Variants in CA10 observed in about 807,000 individuals in gnomAD.
CA10 encodes carbonic anhydrase-related protein 10.
CA10 carries 14 observed loss-of-function variants against 44.2 expected under a neutral mutation model. The observed-to-expected ratio is 0.32, with a 90% CI of 0.21 to 0.50. CA10 has a LOEUF of 0.50. Among genes scored for constraint, CA10 ranks in the 20% least tolerant of loss-of-function variants. The probability of loss-of-function intolerance (pLI) is 0.99; values close to 1 mark genes in which losing one functional copy is unlikely to be tolerated. For missense variants in CA10, 350 were observed against 409.7 expected, an observed-to-expected ratio of 0.85 and a Z score of 1.26; for synonymous variants, 159 against 141.6, an observed-to-expected ratio of 1.12 and a Z score of -0.87.
chr17:51,928,120 T>C, intron 3 of CA10, among the ~76,000 whole-genome samples: 1 of 152,152 alleles, frequency 6.6e-6, no homozygotes, highest in Admixed American at 6.6e-5. Flanking sequence ...ATATATCTAA[T>C]GAGATTTATT....
intron 4 of CA10, among the ~76,000 whole-genome samples, chr17:51,701,997 T>G (rs969633218): frequency 6.6e-6 from 1 of 152,198 alleles, no homozygotes; most frequent in African/African-American, 2.4e-5. Flanking sequence ...TCTCAGAACC[T>G]GCCAACCAGA....
chr17:52,055,673 C>A (rs1304992449), intron 2 of CA10, among the ~76,000 whole-genome samples: 3 of 151,890 alleles, frequency 2.0e-5, no homozygotes, highest in Admixed American at 1.3e-4. Context: ...TTACTGATAC[C>A]GTTTCAGACA....
chr17:51,636,999 T>G (rs1227588457), intron 6 of CA10, among the ~76,000 whole-genome samples: 1 of 152,170 alleles, frequency 6.6e-6, no homozygotes, highest in Non-Finnish European at 1.5e-5. Flanking sequence ...TATTAGCATT[T>G]TGGTGTGTTT....
intron 2 of CA10, among the ~76,000 whole-genome samples, chr17:52,031,969 A>G (rs561471911): frequency 1.3e-5 from 2 of 152,322 alleles, no homozygotes; most frequent in African/African-American, 4.8e-5. Context: ...AGCACTCTGA[A>G]AAAATACAAG....
At chr17:51,906,376 T>C (rs1445382863) in intron 3 of CA10, among the ~76,000 whole-genome samples, 1 of 152,094 alleles carries the variant, frequency 6.6e-6, no homozygotes, top group Non-Finnish European at 1.5e-5. Flanking sequence ...AAAAACTTTG[T>C]TCTTCTTTTG....
chr17:51,888,171 AT>A (rs796891848), intron 3 of CA10, among the ~76,000 whole-genome samples: 7 of 152,248 alleles, frequency 4.6e-5, no homozygotes, highest in African/African-American at 1.7e-4. Context: ...AGAAGGTGGT[AT>A]TGATTTTTAA....
At chr17:52,005,092 A>G (rs2144125364) in intron 2 of CA10, among the ~76,000 whole-genome samples, 1 of 152,034 alleles carries the variant, frequency 6.6e-6, no homozygotes, top group African/African-American at 2.4e-5. Flanking sequence ...AAGATCCTGG[A>G]TCTCCAAAAA....
At chr17:52,062,398 G>A (rs1987413300) in intron 2 of CA10, among the ~76,000 whole-genome samples, 1 of 152,142 alleles carries the variant, frequency 6.6e-6, no homozygotes, top group South Asian at 2.1e-4. Context: ...AAAATCCAGT[G>A]GTGCTGAGGG....
chr17:51,945,461 C>T (rs904667293), intron 2 of CA10, among the ~76,000 whole-genome samples: 3 of 152,112 alleles, frequency 2.0e-5, no homozygotes, highest in South Asian at 2.1e-4. Flanking sequence ...TAAATCAACA[C>T]GGACTCGTTC....
intron 7 of CA10, among the ~76,000 whole-genome samples, chr17:51,634,279 T>C (rs570599630): frequency 6.6e-6 from 1 of 152,354 alleles, no homozygotes; most frequent in Non-Finnish European, 1.5e-5. Flanking sequence ...TTTTAAATTC[T>C]CTAAGATGCC....
chr17:51,839,572 T>TAAAAATTC (rs1978303065), intron 3 of CA10, among the ~76,000 whole-genome samples: 1 of 105,578 alleles, frequency 9.5e-6, no homozygotes, highest in South Asian at 2.8e-4. Context: ...AGAAATGAAG[T>TAAAAATTC]AAAAAATTCA....
At chr17:51,662,011 A>T (rs887191987) in intron 4 of CA10, among the ~76,000 whole-genome samples, 2 of 152,216 alleles carry the variant, frequency 1.3e-5, no homozygotes, top group African/African-American at 4.8e-5. Flanking sequence ...CGTAGGCTAG[A>T]TTTGGTCTGT....
chr17:52,127,419 G>T (rs887708984), intron 1 of CA10, among the ~76,000 whole-genome samples: 1 of 152,128 alleles, frequency 6.6e-6, no homozygotes, highest in Non-Finnish European at 1.5e-5. Flanking sequence ...ACACATGCAT[G>T]CATATTTCTC....
intron 1 of CA10, among the ~76,000 whole-genome samples, chr17:52,076,153 A>G (rs757160442): frequency 1.3e-4 from 20 of 152,190 alleles, no homozygotes; most frequent in Non-Finnish European, 2.1e-4. Flanking sequence ...ACATGTGCAT[A>G]TCTTCCACAC....
intron 2 of CA10, among the ~76,000 whole-genome samples, chr17:52,063,082 A>G (rs936740633): frequency 6.6e-6 from 1 of 152,210 alleles, no homozygotes; most frequent in Non-Finnish European, 1.5e-5. Flanking sequence ...AAAGAAGATT[A>G]TTTTGGAGCT....
chr17:51,897,162 G>A (rs1341977506), intron 3 of CA10, among the ~76,000 whole-genome samples: 1 of 152,004 alleles, frequency 6.6e-6, no homozygotes, highest in Non-Finnish European at 1.5e-5. Flanking sequence ...TGTCCAGAAT[G>A]GTATTTTGTA....
intron 3 of CA10, among the ~76,000 whole-genome samples, chr17:51,848,554 A>G (rs948254154): frequency 1.3e-5 from 2 of 152,194 alleles, no homozygotes; most frequent in South Asian, 2.1e-4. Flanking sequence ...TGTGCCATAT[A>G]TTCTTTAGGG....
Position 51,915,517 on chromosome 17 carries a change from T to A in CA10, c.279+15473A>T, listed in dbSNP as rs111229210. Among the ~76,000 whole-genome samples, 198 of 152,338 alleles carry A rather than the reference T, an allele frequency of 1.3e-3. 1 individual carries two copies. The highest frequency in any genetic ancestry group is 2.3e-3 in the South Asian group (11 of 4,828). On this transcript the variant is annotated intron_variant, in intron 3 of 8. Transcript: ENST00000451037. Reference sequence around the variant, plus strand: ...AATTCTTTTAATTTTATATTTCTAATCACAGAGGCCAACAACACAGAACAG... The same window carrying A: ...AATTCTTTTAATTTTATATTTCTAAACACAGAGGCCAACAACACAGAACAG...
In CA10 at chr17:51,803,670, A is replaced by G. The variant is rs984513534; in HGVS notation, c.280-55852T>C. On this transcript the variant is annotated intron_variant, in intron 3 of 8. Coordinates refer to ENST00000451037, the MANE Select transcript of CA10 (RefSeq NM_020178.5). ...GTTTAGGAGCATAAGGCTATCCTCT[A>G]CGACTCAGTTTGCTAATTAAGTGGT... is the stretch of plus-strand genomic sequence containing the variant. Among the ~76,000 whole-genome samples, 26 of 152,214 alleles carry G rather than the reference A, an allele frequency of 1.7e-4. 1 individual carries two copies. Among genetic ancestry groups the G allele is most frequent in the African/African-American group, 6.0e-4 (25 of 41,454 alleles).
Sources: gnomAD v4.1 joint callset for allele counts (sites outside exome capture counted in the v4.1 genomes callset) on GRCh38, gnomAD v4.1.1 for gene constraint, MANE v1.5 for transcripts, NCBI Gene and HGNC (gene_info 2026-07-23, HGNC 2026-07-21) for gene names.